Variants in AGPAT5 observed in about 807,000 individuals in gnomAD.
The protein encoded by AGPAT5 is 1-acyl-sn-glycerol-3-phosphate acyltransferase epsilon.
Under a neutral mutation model 45.6 loss-of-function variants are expected in AGPAT5, and 46 were observed. The observed-to-expected ratio is 1.01, with a 90% CI of 0.80 to 1.29. The LOEUF is 1.29. Among genes scored for constraint, AGPAT5 ranks in the 50% most tolerant of loss-of-function variants. The probability of loss-of-function intolerance (pLI) is 0.00; values close to 1 mark genes in which losing one functional copy is unlikely to be tolerated. For synonymous variants in AGPAT5, 272 were observed against 167.0 expected, an observed-to-expected ratio of 1.63 and a Z score of -4.85; for missense variants, 673 against 450.7, an observed-to-expected ratio of 1.49 and a Z score of -4.47.
chr8:6,744,395 G>A (rs1374866760), intron 5 of AGPAT5, among the ~76,000 whole-genome samples: 1 of 152,168 alleles, frequency 6.6e-6, no homozygotes, highest in African/African-American at 2.4e-5. Context: ...CTCTCAGGCA[G>A]GGCCACAAAC....
chr8:6,750,962 A>T (rs1305869104), intron 6 of AGPAT5, among the ~76,000 whole-genome samples: 1 of 152,240 alleles, frequency 6.6e-6, no homozygotes, highest in Non-Finnish European at 1.5e-5. Flanking sequence ...TGTGCACATA[A>T]GATATAATAA....
rs769758252 is a variant in AGPAT5, at chr8:6,708,879, G to A, written c.211G>A (p.Gly71Arg). 3 of 1,604,032 alleles carry A rather than the reference G, an allele frequency of 1.9e-6. No homozygotes were observed. Among genetic ancestry groups the A allele is most frequent in the East Asian group, 4.5e-5 (2 of 44,288 alleles). The change falls in exon 1 of 8, where the codon GGG (glycine) becomes AGG (arginine). Residue 71 changes from glycine to arginine, a missense_variant. Physicochemically the swap from Gly to Arg is moderately radical, Grantham distance 125 (BLOSUM62 -2). Transcript: ENST00000285518. ...GCTCTTCTTCTTCGAGAATTACACC[G>A]GGGTCCAGGTGAGCCGCCTCCCGCT... Reference protein sequence around the residue: ...MVLFFFENYTGVQILLYGDLP... With the variant: ...MVLFFFENYTRVQILLYGDLP...
At chr8:6,725,008 C>A in intron 2 of AGPAT5, 69 bp downstream of exon 2, 1 of 534,502 alleles carries the variant, frequency 1.9e-6, no homozygotes, top group Non-Finnish European at 2.9e-6. Context: ...AAATACCGTT[C>A]TTATATTTAA....
chr8:6,731,020 C>T (rs1351511129), intron 3 of AGPAT5, among the ~76,000 whole-genome samples, 194 bp downstream of exon 3: 2 of 151,940 alleles, frequency 1.3e-5, no homozygotes, highest in East Asian at 1.9e-4. Context: ...AGGTGCCCAC[C>T]ATCATGCCCG....
chr8:6,712,849 T>G (rs1489524372), intron 1 of AGPAT5, among the ~76,000 whole-genome samples: 2 of 152,212 alleles, frequency 1.3e-5, no homozygotes, highest in Non-Finnish European at 2.9e-5. Flanking sequence ...AGCTGATAAA[T>G]GTTAATAGGA....
chr8:6,755,368 T>G (rs1022641865), intron 7 of AGPAT5, among the ~76,000 whole-genome samples, 194 bp downstream of exon 7: 1 of 152,254 alleles, frequency 6.6e-6, no homozygotes. Flanking sequence ...CTTGTTACAG[T>G]GGGCCCATCT....
chr8:6,726,772 C>T (rs17077966), intron 2 of AGPAT5, among the ~76,000 whole-genome samples: 3 of 152,144 alleles, frequency 2.0e-5, no homozygotes, highest in African/African-American at 7.2e-5. Context: ...TTCACCCTAC[C>T]TCCGAGTGCC....
At chr8:6,748,457 T>A (rs2116948273) in intron 6 of AGPAT5, among the ~76,000 whole-genome samples, 1 of 152,246 alleles carries the variant, frequency 6.6e-6, no homozygotes, top group Non-Finnish European at 1.5e-5. Flanking sequence ...AAATATCTGT[T>A]TGAGCTGGGG....
At chr8:6,713,027 C>T (rs1800203465) in intron 1 of AGPAT5, among the ~76,000 whole-genome samples, 1 of 152,218 alleles carries the variant, frequency 6.6e-6, no homozygotes, top group Non-Finnish European at 1.5e-5. Context: ...GGGTCTTCTT[C>T]TGTCACCCAG....
At chr8:6,730,688 C>G (rs1281738854) in intron 2 of AGPAT5, 23 bp from the exon 3 acceptor site, 19 of 1,560,246 alleles carry the variant, frequency 1.2e-5, no homozygotes, top group Non-Finnish European at 1.7e-5. Context: ...CATGTACGCG[C>G]TAACTGGGTC....
intron 5 of AGPAT5, among the ~76,000 whole-genome samples, chr8:6,745,518 A>G (rs1801412791): frequency 6.6e-6 from 1 of 152,156 alleles, no homozygotes; most frequent in Non-Finnish European, 1.5e-5. Flanking sequence ...ATAACTTTTG[A>G]CATTATTTAT....
intron 1 of AGPAT5, among the ~76,000 whole-genome samples, chr8:6,711,873 G>A (rs774604568): frequency 1.3e-5 from 2 of 152,132 alleles, no homozygotes; most frequent in Non-Finnish European, 2.9e-5. Context: ...TCTCTTAGAA[G>A]GATGCTTGTC....
At chr8:6,711,134 T>TA (rs1471268142) in intron 1 of AGPAT5, among the ~76,000 whole-genome samples, 1 of 152,212 alleles carries the variant, frequency 6.6e-6, no homozygotes, top group African/African-American at 2.4e-5. Flanking sequence ...ACTCTAGGTT[T>TA]AAAAAATAAG....
chr8:6,754,149 C>G lies in AGPAT5; in HGVS notation c.746-902C>G, dbSNP rs148108728. ...CAAGGAACTTAAATATGTTAACATT[C>G]TTACCTGTCCACAGGGAGCCCCCTA... On this transcript the variant is annotated intron_variant, in intron 6 of 7. Coordinates refer to ENST00000285518, the MANE Select transcript of AGPAT5 (RefSeq NM_018361.5). 6.6e-5 allele frequency among the ~76,000 whole-genome samples: 10 copies of G among 152,292 alleles called. No homozygotes were observed. The East Asian group carries it at 1.7e-3, about 26-fold the overall frequency.
At chr8:6,718,310 G>T (rs907408467) in intron 1 of AGPAT5, among the ~76,000 whole-genome samples, 2 of 152,168 alleles carry the variant, frequency 1.3e-5, no homozygotes, top group Non-Finnish European at 2.9e-5. Flanking sequence ...CAGACATGCC[G>T]CTCCCCGTCA....
intron 6 of AGPAT5, among the ~76,000 whole-genome samples, chr8:6,752,118 A>C (rs1003420485): frequency 6.6e-6 from 1 of 152,180 alleles, no homozygotes; most frequent in Non-Finnish European, 1.5e-5. Flanking sequence ...CAGCAGTTGC[A>C]GTGAGCTAAG....
At chr8:6,752,184 A>C (rs543020776) in intron 6 of AGPAT5, among the ~76,000 whole-genome samples, 1 of 152,302 alleles carries the variant, frequency 6.6e-6, no homozygotes, top group African/African-American at 2.4e-5. Context: ...CTAAAAAAAA[A>C]GGGATCAGGG....
At chr8:6,712,937 C>G (rs140521115) in intron 1 of AGPAT5, among the ~76,000 whole-genome samples, 522 of 152,234 alleles carry the variant, frequency 3.4e-3, no homozygotes, top group African/African-American at 0.012. Flanking sequence ...ATGCAATACA[C>G]TGAAAACTGA....
At chr8:6,739,130 G>C (rs1359071184) in intron 4 of AGPAT5, among the ~76,000 whole-genome samples, 1 of 151,726 alleles carries the variant, frequency 6.6e-6, no homozygotes, top group East Asian at 1.9e-4. Context: ...TGGAGCATTT[G>C]TTCTGTTATA....
Sources: gnomAD v4.1 joint callset for allele counts (sites outside exome capture counted in the v4.1 genomes callset) on GRCh38, gnomAD v4.1.1 for gene constraint, MANE v1.5 for transcripts, NCBI Gene and HGNC (gene_info 2026-07-23, HGNC 2026-07-21) for gene names.